CDH8: variants seen among roughly 807,000 people sequenced by gnomAD.
The protein encoded by CDH8 is cadherin 8, also known as cadherin-8.
CDH8 carries 17 observed loss-of-function variants against 68.1 expected under a neutral mutation model. The observed-to-expected ratio is 0.25, with a 90% CI of 0.17 to 0.37. The LOEUF (loss-of-function observed/expected upper bound fraction) is 0.37. Ranked by LOEUF, CDH8 falls within the 10% of genes least tolerant of loss-of-function variation. The pLI, the probability that CDH8 is intolerant of heterozygous loss-of-function variation, is 1.00. For synonymous variants in CDH8, 372 were observed against 365.1 expected (o/e 1.02, Z -0.21); for missense variants, 763 against 999.3 (o/e 0.76, Z 3.19).
intron 2 of CDH8, among the ~76,000 whole-genome samples, chr16:61,907,738 T>C (rs1198638659): frequency 6.6e-6 from 1 of 150,928 alleles, no homozygotes; most frequent in Non-Finnish European, 1.5e-5. Context: ...AACCTACACC[T>C]TTTAGAACCC....
intron 3 of CDH8, among the ~76,000 whole-genome samples, chr16:61,898,614 C>G (rs1347141353): frequency 6.6e-6 from 1 of 152,074 alleles, no homozygotes; most frequent in African/African-American, 2.4e-5. Context: ...TAGAATCAAG[C>G]ACACTATTTG....
chr16:62,013,650 A>T (rs1031548912), intron 2 of CDH8, among the ~76,000 whole-genome samples: 2 of 152,134 alleles, frequency 1.3e-5, no homozygotes, highest in African/African-American at 4.8e-5. Context: ...TTATGTTATA[A>T]ATCTTAATTT....
At chr16:61,780,600 C>T (rs1040962056) in intron 8 of CDH8, among the ~76,000 whole-genome samples, 1 of 152,186 alleles carries the variant, frequency 6.6e-6, no homozygotes, top group Non-Finnish European at 1.5e-5. Flanking sequence ...TTATTAGAAC[C>T]TCCCCCTATG....
chr16:61,951,846 G>T (rs911616927), intron 2 of CDH8, among the ~76,000 whole-genome samples: 4 of 151,996 alleles, frequency 2.6e-5, no homozygotes, highest in African/African-American at 9.7e-5. Context: ...AATACTGCAG[G>T]TATCCCTCAC....
chr16:61,777,992 C>T (rs1449826520), intron 8 of CDH8, among the ~76,000 whole-genome samples: 2 of 152,054 alleles, frequency 1.3e-5, no homozygotes, highest in Non-Finnish European at 2.9e-5. Flanking sequence ...ACCTGCATGC[C>T]TATCTAAAGT....
rs796315669 is a variant in CDH8 at position 61,779,464 on chromosome 16, T to TGTGC, written c.1414+9881_1414+9882insGCAC. 6.4e-3 allele frequency among the ~76,000 whole-genome samples: 905 copies of TGTGC among 141,498 alleles called. 4 individuals are homozygous for TGTGC. Among genetic ancestry groups the TGTGC allele is most frequent in the South Asian group, 7.7e-3 (33 of 4,306 alleles). The allele number at this position is 141,498 out of a possible 152,430, so 92.8% of individuals were successfully genotyped here. A position where few individuals can be genotyped will look rare whatever the true frequency, so the allele number is the denominator to read the frequency against. ...GTGTGTGTGTGTGTGTGTGTGTGTG[T>TGTGC]GCGCGCATGGTGAGGGAAACAAGGA... On this transcript the variant is annotated intron_variant, in intron 8 of 11. Coordinates refer to ENST00000577390, the MANE Select transcript of CDH8 (RefSeq NM_001796.5).
At chr16:61,704,223 T>G (rs906989969) in intron 10 of CDH8, among the ~76,000 whole-genome samples, 1 of 152,212 alleles carries the variant, frequency 6.6e-6, no homozygotes, top group African/African-American at 2.4e-5. Context: ...TTTTGAAAGA[T>G]CTCTCTGATA....
chr16:62,033,044 T>C (rs1399520259), intron 1 of CDH8, among the ~76,000 whole-genome samples: 3 of 152,220 alleles, frequency 2.0e-5, no homozygotes, highest in Non-Finnish European at 4.4e-5. Flanking sequence ...TCTCATTCTT[T>C]GGAGTTTCTG....
intron 7 of CDH8, among the ~76,000 whole-genome samples, chr16:61,791,805 T>C (rs1314174992): frequency 6.6e-6 from 1 of 152,076 alleles, no homozygotes; most frequent in Admixed American, 6.6e-5. Flanking sequence ...TTTATTCAAA[T>C]ATGCATCATG....
intron 2 of CDH8, among the ~76,000 whole-genome samples, chr16:61,974,350 T>C (rs1965400262): frequency 6.6e-6 from 1 of 152,148 alleles, no homozygotes; most frequent in Non-Finnish European, 1.5e-5. Context: ...CCAACCTGTG[T>C]CAGGGAAGAG....
At chr16:61,841,206 T>G (rs1184698337) in intron 4 of CDH8, among the ~76,000 whole-genome samples, 2 of 152,182 alleles carry the variant, frequency 1.3e-5, no homozygotes, top group Non-Finnish European at 2.9e-5. Context: ...CTTATTTCCT[T>G]TTTTTGGGTA....
chr16:61,659,770 T>C (rs754329499), intron 10 of CDH8, among the ~76,000 whole-genome samples: 7 of 152,158 alleles, frequency 4.6e-5, no homozygotes, highest in Admixed American at 3.3e-4. Context: ...CTCAGGATTT[T>C]GCCCAGGGGG....
At chr16:61,860,569 G>C (rs1416055891) in intron 3 of CDH8, among the ~76,000 whole-genome samples, 1 of 151,960 alleles carries the variant, frequency 6.6e-6, no homozygotes, top group Non-Finnish European at 1.5e-5. Flanking sequence ...TTGTAGTCTA[G>C]TGTATTCACT....
chr16:61,856,991 C>A, intron 4 of CDH8, 128 bp downstream of exon 4: 1 of 1,075,130 alleles, frequency 9.3e-7, no homozygotes, highest in South Asian at 1.3e-5. Flanking sequence ...CCTCATGTCG[C>A]ATATTCAAAT....
At chr16:61,895,076 A>G (rs1297376779) in intron 3 of CDH8, among the ~76,000 whole-genome samples, 1 of 152,108 alleles carries the variant, frequency 6.6e-6, no homozygotes, top group Non-Finnish European at 1.5e-5. Flanking sequence ...TGACATTTTT[A>G]AAGTGCTCAT....
intron 8 of CDH8, among the ~76,000 whole-genome samples, chr16:61,767,489 T>G (rs1278163457): frequency 6.6e-6 from 1 of 151,910 alleles, no homozygotes; most frequent in East Asian, 1.9e-4. Flanking sequence ...GGCTTCGCTG[T>G]AGTAAAGAAT....
chr16:61,972,823 C>T (rs956890608), intron 2 of CDH8, among the ~76,000 whole-genome samples: 1 of 152,062 alleles, frequency 6.6e-6, no homozygotes, highest in Non-Finnish European at 1.5e-5. Flanking sequence ...AACTATTTTA[C>T]CCAGGTTCTT....
intron 8 of CDH8, among the ~76,000 whole-genome samples, chr16:61,783,873 G>A (rs569913468): frequency 6.6e-6 from 1 of 152,250 alleles, no homozygotes; most frequent in African/African-American, 2.4e-5. Flanking sequence ...ATACTTTACA[G>A]ACAAGCAAAT....
In CDH8 at chr16:61,839,061, A is replaced by G. The variant is rs551791330; in HGVS notation, c.668-13882T>C. ...TTGGAATCTAGAATTTTCTAACTCT[A>G]ATTCAAATAGCTCTCTCCTTAAGCA... On this transcript the variant is annotated intron_variant, in intron 4 of 11. Transcript: ENST00000577390. Among the ~76,000 whole-genome samples the G allele has an allele frequency of 2.0e-5, 3 of 152,258 alleles. No homozygotes were observed. The East Asian group carries it at 5.8e-4, about 29-fold the overall frequency.
Sources: gnomAD v4.1 joint callset for allele counts (sites outside exome capture counted in the v4.1 genomes callset) on GRCh38, gnomAD v4.1.1 for gene constraint, MANE v1.5 for transcripts, NCBI Gene and HGNC (gene_info 2026-07-23, HGNC 2026-07-21) for gene names.